The following EBF3 variants were observed in gnomAD, a reference collection of about 807,000 sequenced individuals.
The protein encoded by EBF3 is EBF transcription factor 3, also known as transcription factor COE3.
EBF3 carries 18 observed loss-of-function variants against 77.1 expected under a neutral mutation model. The observed-to-expected ratio is 0.23, with a 90% confidence interval of 0.16 to 0.35. The LOEUF (loss-of-function observed/expected upper bound fraction) is 0.35. Ranked by LOEUF, EBF3 falls within the 10% of genes least tolerant of loss-of-function variation. The pLI is 1.00. For synonymous variants in EBF3, 350 were observed against 343.5 expected, an observed-to-expected ratio of 1.02 and a Z score of -0.21; for missense variants, 558 against 860.0, an observed-to-expected ratio of 0.65 and a Z score of 4.39.
intron 6 of EBF3, among the ~76,000 whole-genome samples, chr10:129,942,268 A>G (rs993221815): frequency 6.6e-6 from 1 of 152,232 alleles, no homozygotes; most frequent in Non-Finnish European, 1.5e-5. Flanking sequence ...ACATCTTTCT[A>G]GGGTGGTCCA....
chr10:129,962,146 C>G, intron 4 of EBF3, 25 bp downstream of exon 4: 1 of 1,613,702 alleles, frequency 6.2e-7, no homozygotes, highest in Non-Finnish European at 8.5e-7. Context: ...AGTGAAAACT[C>G]GTGCAGAGGC....
Position 129,843,154 on chromosome 10 carries a change from T to G in EBF3, c.1177A>C (p.Met393Leu). The G allele has an allele frequency of 1.9e-6, 3 of 1,613,450 alleles. No individual in the cohort carries two copies. The highest frequency in any genetic ancestry group is 2.5e-6 in the Non-Finnish European group (3 of 1,179,666). The change falls in exon 12 of 17, where the codon ATG becomes CTG. Residue 393 changes from methionine (M) to leucine (L), a missense_variant. Met to Leu is a conservative substitution (Grantham distance 15). Around this residue, in one of 5 missense-constraint regions of EBF3, gnomAD observed 284 missense variants for 368.3 expected, o/e 0.77. Transcript: ENST00000440978. ...AADLVEALYGMPHNNQEIILK... is the reference protein window; with the variant it reads ...AADLVEALYGLPHNNQEIILK... ...CCACCTACCTGGTTGTTGTGAGGCA[T>G]TCCGTATAAGGCTTCCACCAGGTCC...
chr10:129,963,782 G>A lies in EBF3; in HGVS notation c.-14C>T, dbSNP rs1467081459. The A allele has an allele frequency of 8.7e-6, 13 of 1,500,114 alleles. No individual in the cohort carries two copies. Among genetic ancestry groups the A allele is most frequent in the Non-Finnish European group, 1.2e-5 (13 of 1,114,526 alleles). The allele number at this position is 1,500,114 out of a possible 1,614,324, so 92.9% of individuals were successfully genotyped here. The stretch of plus-strand genomic sequence containing the variant: ...AATCCCAAACATGAAAACTGCTGGC[G>A]GCGGCCGCAGCTCCCGGCCGAAAGC... On this transcript the variant is annotated 5_prime_UTR_variant, in exon 1 of 17. Coordinates refer to ENST00000440978, the MANE Select transcript of EBF3 (RefSeq NM_001375380.1). The surrounding 1 kb of genome is among the most constrained non-coding windows in gnomAD (Gnocchi z 7.1).
intron 6 of EBF3, among the ~76,000 whole-genome samples, chr10:129,886,582 C>T (rs140884501): frequency 2.0e-5 from 3 of 152,320 alleles, no homozygotes; most frequent in Admixed American, 1.3e-4. Context: ...CGGCTCCCCA[C>T]GCCACCAGGC....
intron 6 of EBF3, among the ~76,000 whole-genome samples, chr10:129,899,643 G>A (rs935581549): frequency 2.0e-5 from 3 of 152,148 alleles, no homozygotes; most frequent in African/African-American, 7.2e-5. Flanking sequence ...ATGGCAGCAG[G>A]GTTGAACTCC....
chr10:129,869,455 C>T (rs952377761), intron 8 of EBF3, among the ~76,000 whole-genome samples: 1 of 152,054 alleles, frequency 6.6e-6, no homozygotes, highest in African/African-American at 2.4e-5. Context: ...AGACAAGAGC[C>T]CTCCAAAGGA....
At chr10:129,930,154 C>G (rs937375606) in intron 6 of EBF3, among the ~76,000 whole-genome samples, 7 of 152,184 alleles carry the variant, frequency 4.6e-5, no homozygotes, top group African/African-American at 1.4e-4. Context: ...CAGGCCTTCG[C>G]CCTCAGATTG....
intron 6 of EBF3, among the ~76,000 whole-genome samples, chr10:129,901,894 T>G (rs1473737837): frequency 6.6e-6 from 1 of 152,222 alleles, no homozygotes; most frequent in Non-Finnish European, 1.5e-5. Context: ...CCAACCTGTG[T>G]GGCCAGATGG....
chr10:129,868,061 A>G, intron 8 of EBF3, 149 bp from the exon 9 acceptor site: 1 of 1,084,442 alleles, frequency 9.2e-7, no homozygotes, highest in Non-Finnish European at 1.3e-6. Context: ...GTAGATCAGC[A>G]TGTTGATGTG....
chr10:129,846,766 A>C (rs1850493115), intron 11 of EBF3, among the ~76,000 whole-genome samples: 1 of 152,082 alleles, frequency 6.6e-6, no homozygotes, highest in South Asian at 2.1e-4. Context: ...TCGTTCAGTG[A>C]TCGTTTTATG....
Position 129,958,414 on chromosome 10 carries a change from A to C in EBF3, c.485+520T>G, listed in dbSNP as rs555320333. Among the ~76,000 whole-genome samples, 3 of 152,232 alleles carry C rather than the reference A, an allele frequency of 2.0e-5. No individual in the cohort carries two copies. The East Asian group carries it at 5.8e-4, about 29-fold the overall frequency. On this transcript the variant is annotated intron_variant, in intron 5 of 16. Transcript: ENST00000440978. ...AGGTGGGAAATTGCTCTTCTGACAG[A>C]GATCTCAAGTAACGGGCACGCTATC...
chr10:129,836,641 T>TGAA lies in EBF3; in HGVS notation c.*1299_*1301dup, dbSNP rs1849627001. On this transcript the variant is annotated 3_prime_UTR_variant, in exon 17 of 17. Transcript: ENST00000440978. ...AAAGTCTAAACAATAGCATATTTTT[T>TGAA]GAAGTACAAATGAAATGTAAAGACA... 8 of 149,232 alleles carry TGAA rather than the reference T, an allele frequency of 5.4e-5. No homozygotes were observed. Among genetic ancestry groups the TGAA allele is most frequent in the Admixed American group, 4.7e-4 (7 of 15,028 alleles). The allele number at this position is 149,232 out of a possible 1,614,324, so 9.2% of individuals were successfully genotyped here.
rs760192675 is a variant in EBF3, at chr10:129,879,397, T to C, written c.555-1548A>G. Among the ~76,000 whole-genome samples, 4 of 152,212 alleles carry C rather than the reference T, an allele frequency of 2.6e-5. No homozygotes were observed. Among genetic ancestry groups the C allele is most frequent in the African/African-American group, 7.2e-5 (3 of 41,450 alleles). On this transcript the variant is annotated intron_variant, in intron 6 of 16. Transcript: ENST00000440978. This position sits in a 1 kb window ranked among gnomAD's most constrained non-coding sequence, Gnocchi z 4.7. ...TATTAATTTTTGATGAAGTTTCACA[T>C]GATTTTCTTACGTTCAAGGTTCCTC...
rs973503280 is a variant in EBF3 at position 129,947,611 on chromosome 10, G to A, written c.554+9647C>T. Among the ~76,000 whole-genome samples the A allele has an allele frequency of 4.0e-5, 6 of 151,328 alleles. No homozygotes were observed. Among genetic ancestry groups the A allele is most frequent in the Non-Finnish European group, 7.4e-5 (5 of 67,956 alleles). On this transcript the variant is annotated intron_variant, in intron 6 of 16. Transcript: ENST00000440978. The surrounding 1 kb of genome is among the most constrained non-coding windows in gnomAD (Gnocchi z 4.5). ...AACCCCTTATAATAAGTGAAATTGA[G>A]CAATGCCACTTAAATTCTGAATATA...
At chr10:129,919,749 T>G (rs1297627527) in intron 6 of EBF3, among the ~76,000 whole-genome samples, 1 of 152,164 alleles carries the variant, frequency 6.6e-6, no homozygotes, top group Non-Finnish European at 1.5e-5. Flanking sequence ...GCTAAGCAGA[T>G]GAGCAGGTCT....
intron 6 of EBF3, among the ~76,000 whole-genome samples, chr10:129,898,316 C>T (rs967779943): frequency 6.6e-5 from 10 of 152,184 alleles, no homozygotes; most frequent in Non-Finnish European, 8.8e-5. Context: ...TACGGGGTCC[C>T]GGGTTTACGG....
At chr10:129,917,628 G>A (rs1286566749) in intron 6 of EBF3, among the ~76,000 whole-genome samples, 7 of 93,960 alleles carry the variant, frequency 7.4e-5, no homozygotes, top group African/African-American at 2.5e-4. Context: ...TTCCAGCTTG[G>A]GCACCACAGC....
chr10:129,960,244 A>T (rs1589966289), intron 4 of EBF3, among the ~76,000 whole-genome samples: 1 of 151,870 alleles, frequency 6.6e-6, no homozygotes, highest in Admixed American at 6.5e-5. Flanking sequence ...CCTGAAAATT[A>T]TCTGGAAATT....
chr10:129,963,357 T>C lies in EBF3; in HGVS notation c.291+10A>G. On this transcript the variant is annotated intron_variant, in intron 2 of 16. Coordinates refer to ENST00000440978, the MANE Select transcript of EBF3 (RefSeq NM_001375380.1). This position sits in a 1 kb window ranked among gnomAD's most constrained non-coding sequence, Gnocchi z 7.1. ...AAAGAGAGAGGGTGTGATCGTGTGT[T>C]TGCACTTACTTTCTCTTTCTCCACA... 2 of 1,577,516 alleles carry C rather than the reference T, an allele frequency of 1.3e-6. No homozygotes were observed. The highest frequency in any genetic ancestry group is 1.7e-6 in the Non-Finnish European group (2 of 1,162,732).
Sources: gnomAD v4.1 joint callset for allele counts (sites outside exome capture counted in the v4.1 genomes callset) on GRCh38, gnomAD v4.1.1 for gene constraint, gnomAD v4.1.1 regional missense constraint, Gnocchi (gnomAD v3.1) non-coding constraint, MANE v1.5 for transcripts, NCBI Gene and HGNC (gene_info 2026-07-23, HGNC 2026-07-21) for gene names.